DPF3: variants seen among roughly 807,000 people sequenced by gnomAD.
DPF3 encodes the protein double PHD fingers 3.
In DPF3, 18 loss-of-function variants were observed where a neutral mutation model predicts 56.8. The ratio of observed to expected loss-of-function variants is 0.32; its 90% CI spans 0.22 to 0.47. DPF3 has a LOEUF of 0.47. Ranked by LOEUF, DPF3 falls within the 20% of genes least tolerant of loss-of-function variation. The pLI is 1.00. For missense variants in DPF3, 403 were observed against 488.8 expected, an observed-to-expected ratio of 0.82 and a Z score of 1.65; for synonymous variants, 188 against 180.2, an observed-to-expected ratio of 1.04 and a Z score of -0.35.
intron 1 of DPF3, among the ~76,000 whole-genome samples, chr14:72,784,159 A>G (rs544375846): frequency 6.6e-6 from 1 of 152,298 alleles, no homozygotes; most frequent in African/African-American, 2.4e-5. Flanking sequence ...CGCAAAGTTG[A>G]GAGTCACCCC....
intron 7 of DPF3, among the ~76,000 whole-genome samples, chr14:72,677,808 A>C (rs1451276507): frequency 1.3e-5 from 2 of 152,210 alleles, no homozygotes; most frequent in Admixed American, 6.5e-5. Flanking sequence ...TCGGTAGCCA[A>C]TGGCCCTGAG....
At chr14:72,745,678 T>G (rs1324632689) in intron 3 of DPF3, among the ~76,000 whole-genome samples, 1 of 152,068 alleles carries the variant, frequency 6.6e-6, no homozygotes, top group South Asian at 2.1e-4. Context: ...TCCCCTCTCC[T>G]TGGGAAGGTC....
chr14:72,892,765 G>T, intron 1 of DPF3: 1 of 916,180 alleles, frequency 1.1e-6, no homozygotes, highest in Non-Finnish European at 1.3e-6. Flanking sequence ...GGCTTCGTCC[G>T]GGCGGGGAAG....
At chr14:72,713,929 G>A (rs1013103751) in intron 6 of DPF3, among the ~76,000 whole-genome samples, 4 of 152,228 alleles carry the variant, frequency 2.6e-5, no homozygotes, top group African/African-American at 7.2e-5. Flanking sequence ...ATTAAAGTAA[G>A]TCATCGTCAT....
At chr14:72,708,615 G>C (rs1030515385) in intron 6 of DPF3, among the ~76,000 whole-genome samples, 1 of 152,184 alleles carries the variant, frequency 6.6e-6, no homozygotes. Flanking sequence ...TAGCAAAACT[G>C]CAAGAGTCAT....
intron 3 of DPF3, among the ~76,000 whole-genome samples, chr14:72,732,548 G>A (rs929199782): frequency 6.6e-6 from 1 of 152,216 alleles, no homozygotes; most frequent in Non-Finnish European, 1.5e-5. Context: ...AAAAGCCACG[G>A]GAAGAGGAGC....
chr14:72,775,714 C>T (rs1202053667), intron 1 of DPF3, among the ~76,000 whole-genome samples: 8 of 152,150 alleles, frequency 5.3e-5, no homozygotes, highest in Admixed American at 5.2e-4. Context: ...GCCCCTCTAC[C>T]ATCATCTCCA....
intron 1 of DPF3, among the ~76,000 whole-genome samples, chr14:72,797,612 G>A (rs553797539): frequency 3.3e-5 from 5 of 152,268 alleles, no homozygotes; most frequent in Non-Finnish European, 5.9e-5. Context: ...AGATACTTCA[G>A]CTTAAAGAAT....
At chr14:72,695,916 T>C (rs11848220) in intron 6 of DPF3, among the ~76,000 whole-genome samples, 2 of 152,046 alleles carry the variant, frequency 1.3e-5, no homozygotes. Context: ...ATAAATATTG[T>C]AAAAAAAATA....
intron 1 of DPF3, among the ~76,000 whole-genome samples, chr14:72,842,140 T>G (rs967117602): frequency 6.7e-6 from 1 of 148,736 alleles, no homozygotes; most frequent in African/African-American, 2.5e-5. Context: ...ATTTTCTTCA[T>G]CAAAATCGAA....
intron 1 of DPF3, among the ~76,000 whole-genome samples, chr14:72,798,774 A>T (rs973557293): frequency 1.3e-5 from 2 of 152,174 alleles, no homozygotes; most frequent in African/African-American, 4.8e-5. Context: ...TCTTGAGATC[A>T]GTGTAGCTGA....
chr14:72,795,313 T>TAC (rs1892605829), intron 1 of DPF3, among the ~76,000 whole-genome samples: 1 of 145,228 alleles, frequency 6.9e-6, no homozygotes, highest in East Asian at 2.0e-4. Context: ...TATATATATA[T>TAC]ATATAAGGCA....
At chr14:72,882,275 C>A (rs1361072045) in intron 1 of DPF3, among the ~76,000 whole-genome samples, 2 of 152,216 alleles carry the variant, frequency 1.3e-5, no homozygotes, top group Non-Finnish European at 2.9e-5. Context: ...ATGGTGGGAA[C>A]TCTTTTTTCT....
intron 3 of DPF3, among the ~76,000 whole-genome samples, chr14:72,747,962 T>C (rs561085793): frequency 1.3e-5 from 2 of 152,352 alleles, no homozygotes; most frequent in East Asian, 3.9e-4. Flanking sequence ...AGTATGTGTT[T>C]ATCAGCAGTG....
intron 7 of DPF3, among the ~76,000 whole-genome samples, chr14:72,688,295 ATGGGTGGGTGGGTGGG>A (rs1190134099): frequency 0.077 from 926 of 12,034 alleles, 15 homozygotes; most frequent in African/African-American, 0.18. Context: ...GGGTGGATGG[ATGGGTGGGTGGGTGGG>A]TGGGTGGGTG....
intron 1 of DPF3, among the ~76,000 whole-genome samples, chr14:72,795,322 C>T (rs988115887): frequency 7.7e-6 from 1 of 129,510 alleles, no homozygotes; most frequent in African/African-American, 2.7e-5. Flanking sequence ...ATATATAAGG[C>T]AGATGGTGCC....
intron 1 of DPF3, among the ~76,000 whole-genome samples, chr14:72,861,712 GAAGA>G (rs1334588486): frequency 3.4e-5 from 2 of 59,122 alleles, no homozygotes; most frequent in East Asian, 3.7e-4. Context: ...GAGAGAGAAA[GAAGA>G]AAGAGAGAGA....
chr14:72,714,213 T>C (rs1362517243), intron 6 of DPF3, among the ~76,000 whole-genome samples: 1 of 152,194 alleles, frequency 6.6e-6, no homozygotes, highest in East Asian at 1.9e-4. Flanking sequence ...CCCAGCTGGC[T>C]TCCCCTCTGC....
At chr14:72,666,874 C>T (rs985045508) in intron 8 of DPF3, among the ~76,000 whole-genome samples, 1 of 152,222 alleles carries the variant, frequency 6.6e-6, no homozygotes, top group African/African-American at 2.4e-5. Context: ...ACAGATGAGT[C>T]TGCTCCAATT....
Sources: gnomAD v4.1 joint callset for allele counts (sites outside exome capture counted in the v4.1 genomes callset) on GRCh38, gnomAD v4.1.1 for gene constraint, MANE v1.5 for transcripts, NCBI Gene and HGNC (gene_info 2026-07-23, HGNC 2026-07-21) for gene names.